ZFAT: variants seen among roughly 807,000 people sequenced by gnomAD.
ZFAT encodes zinc finger and AT-hook domain containing, also known as zinc finger protein ZFAT.
A neutral mutation model predicts 117.7 loss-of-function variants in ZFAT; 64 were observed. The ratio of observed to expected loss-of-function variants is 0.54; its 90% CI spans 0.44 to 0.67. The LOEUF is 0.67. ZFAT is among the 30% of genes least tolerant of loss of function. ZFAT has a pLI of 0.00. For synonymous variants in ZFAT, 679 were observed against 615.0 expected (o/e 1.10, Z -1.54); for missense variants, 1,433 against 1,584.5 (o/e 0.90, Z 1.62).
At chr8:134,501,230 T>C (rs959859705) in intron 15 of ZFAT, among the ~76,000 whole-genome samples, 2 of 152,240 alleles carry the variant, frequency 1.3e-5, no homozygotes, top group Admixed American at 6.5e-5. Flanking sequence ...AGAAGCACAC[T>C]GGGTGCCTAT....
chr8:134,588,040 C>T (rs1448228420), intron 9 of ZFAT, among the ~76,000 whole-genome samples: 1 of 152,160 alleles, frequency 6.6e-6, no homozygotes, highest in Non-Finnish European at 1.5e-5. Flanking sequence ...TGAAGGAGTG[C>T]ACACCTCTAT....
At chr8:134,721,962 C>T in the ZFAT span, among the ~76,000 whole-genome samples, 1 of 152,180 alleles carries the variant, frequency 6.6e-6, no homozygotes, top group Non-Finnish European at 1.5e-5. Context: ...TGGAGGACTT[C>T]ATTATGAAAA....
At chr8:134,688,341 C>T (rs1380520815) in intron 1 of ZFAT, among the ~76,000 whole-genome samples, 6 of 152,012 alleles carry the variant, frequency 3.9e-5, no homozygotes, top group Admixed American at 2.6e-4. Flanking sequence ...ACCCGCAAAA[C>T]GTGTGTACAT....
intron 5 of ZFAT, among the ~76,000 whole-genome samples, chr8:134,604,083 C>G (rs1433937723): frequency 2.0e-5 from 3 of 152,192 alleles, no homozygotes; most frequent in Non-Finnish European, 2.9e-5. Flanking sequence ...GTCTGCCTGC[C>G]TCATGAATTC....
the ZFAT span, among the ~76,000 whole-genome samples, chr8:134,744,730 T>TTC: frequency 7.0e-6 from 1 of 143,488 alleles, no homozygotes; most frequent in African/African-American, 2.6e-5. Flanking sequence ...TACTCTCCTT[T>TTC]TTTTTTTTTT....
chr8:134,553,500 C>T (rs769774163), intron 11 of ZFAT, among the ~76,000 whole-genome samples: 2 of 152,164 alleles, frequency 1.3e-5, no homozygotes, highest in Non-Finnish European at 2.9e-5. Flanking sequence ...GAGACTCTGT[C>T]TCAGTGACAT....
At chr8:134,554,205 T>A (rs942482966) in intron 11 of ZFAT, among the ~76,000 whole-genome samples, 2 of 152,084 alleles carry the variant, frequency 1.3e-5, no homozygotes, top group African/African-American at 4.8e-5. Flanking sequence ...GGGCAATAGG[T>A]ACATCTGACA....
chr8:134,796,932 A>T, the ZFAT span: 1 of 152,206 alleles, frequency 6.6e-6, no homozygotes, highest in East Asian at 1.9e-4. Flanking sequence ...ATGACATTGT[A>T]TCAGTGACAT....
chr8:134,743,360 G>A, the ZFAT span, among the ~76,000 whole-genome samples: 1,600 of 152,150 alleles, frequency 0.011, 13 homozygotes, highest in Non-Finnish European at 0.017. Context: ...CTGGTGATGG[G>A]CGCCTGTAAT....
chr8:134,534,236 G>GCCAT (rs1325033313), intron 11 of ZFAT, among the ~76,000 whole-genome samples: 1 of 152,186 alleles, frequency 6.6e-6, no homozygotes, highest in Non-Finnish European at 1.5e-5. Context: ...TACCTAAAAT[G>GCCAT]CCATGCAAAG....
At chr8:134,591,163 T>C (rs1207493076) in intron 7 of ZFAT, among the ~76,000 whole-genome samples, 2 of 152,218 alleles carry the variant, frequency 1.3e-5, no homozygotes, top group Non-Finnish European at 2.9e-5. Context: ...GCAAGTGATT[T>C]TATTGAGACT....
intron 15 of ZFAT, among the ~76,000 whole-genome samples, chr8:134,480,642 T>C (rs1050560800): frequency 1.1e-4 from 17 of 152,236 alleles, no homozygotes; most frequent in Admixed American, 3.3e-4. Flanking sequence ...AGGAGAGGCA[T>C]AGAGATGGGC....
At chr8:134,505,967 T>C (rs1399912337) in intron 15 of ZFAT, among the ~76,000 whole-genome samples, 3 of 152,202 alleles carry the variant, frequency 2.0e-5, no homozygotes, top group Admixed American at 6.5e-5. Context: ...CAACCATACA[T>C]ACAATGTTAC....
chr8:134,760,217 G>A, the ZFAT span, among the ~76,000 whole-genome samples: 28 of 138,876 alleles, frequency 2.0e-4, no homozygotes, highest in South Asian at 3.3e-3. Context: ...GCAGTGAACC[G>A]AGATCATGCC....
chr8:134,726,598 T>G, the ZFAT span, among the ~76,000 whole-genome samples: 2 of 152,126 alleles, frequency 1.3e-5, no homozygotes, highest in Admixed American at 1.3e-4. Context: ...CTTCAGGGTT[T>G]GGAGGGTTTT....
chr8:134,803,317 C>T, the ZFAT span, among the ~76,000 whole-genome samples: 1 of 152,092 alleles, frequency 6.6e-6, no homozygotes, highest in African/African-American at 2.4e-5. Context: ...ACAAAATAAT[C>T]CTATTACCAC....
intron 1 of ZFAT, among the ~76,000 whole-genome samples, chr8:134,677,142 A>T (rs1378995224): frequency 1.3e-5 from 2 of 151,970 alleles, no homozygotes; most frequent in African/African-American, 2.4e-5. Context: ...CAAAAAAATC[A>T]ATGAATCCAG....
intron 11 of ZFAT, among the ~76,000 whole-genome samples, chr8:134,533,440 C>A (rs1008915591): frequency 6.6e-6 from 1 of 152,218 alleles, no homozygotes; most frequent in Non-Finnish European, 1.5e-5. Context: ...TTCTACCACA[C>A]AGCCTGCAAG....
At chr8:134,645,498 A>C (rs143053019) in intron 2 of ZFAT, among the ~76,000 whole-genome samples, 16 of 152,042 alleles carry the variant, frequency 1.1e-4, no homozygotes, top group South Asian at 2.1e-4. Flanking sequence ...CACACACACA[A>C]AAAAGAAAAC....
Sources: gnomAD v4.1 joint callset for allele counts (sites outside exome capture counted in the v4.1 genomes callset) on GRCh38, gnomAD v4.1.1 for gene constraint, MANE v1.5 for transcripts, NCBI Gene and HGNC (gene_info 2026-07-23, HGNC 2026-07-21) for gene names.